The following OVCH1 variants were observed in gnomAD, a reference collection of about 807,000 sequenced individuals.
OVCH1 encodes the protein ovochymase 1, also known as ovochymase-1.
A neutral mutation model predicts 138.4 loss-of-function variants in OVCH1; 139 were observed. That is an observed-to-expected ratio of 1.00 (90% confidence interval 0.87 to 1.16). The LOEUF (loss-of-function observed/expected upper bound fraction) is 1.16. Ranked by LOEUF, OVCH1 falls within the 50% of genes most tolerant of loss-of-function variation. The probability of loss-of-function intolerance (pLI) is 0.00; values close to 1 mark genes in which losing one functional copy is unlikely to be tolerated. For synonymous variants in OVCH1, 453 were observed against 467.8 expected, an observed-to-expected ratio of 0.97 and a Z score of 0.41; for missense variants, 1,367 against 1,357.9, an observed-to-expected ratio of 1.01 and a Z score of -0.11.
chr12:29,475,759 C>T (rs768855357), intron 13 of OVCH1, among the ~76,000 whole-genome samples: 13 of 152,160 alleles, frequency 8.5e-5, no homozygotes, highest in Non-Finnish European at 1.3e-4. Context: ...AATCTTCAAA[C>T]TCAGTAAATT....
At chr12:29,492,781 C>T (rs1256753169) in intron 4 of OVCH1, among the ~76,000 whole-genome samples, 1 of 152,002 alleles carries the variant, frequency 6.6e-6, no homozygotes, top group African/African-American at 2.4e-5. Context: ...AATAAGATGT[C>T]CAGGGCTGAG....
chr12:29,434,123 C>G (rs1033967038), intron 26 of OVCH1, among the ~76,000 whole-genome samples: 1 of 152,032 alleles, frequency 6.6e-6, no homozygotes, highest in African/African-American at 2.4e-5. Context: ...GCGTATCTTT[C>G]AAAAATCTGG....
At chr12:29,440,024 G>A (rs1455823315) in intron 25 of OVCH1, among the ~76,000 whole-genome samples, 1 of 152,056 alleles carries the variant, frequency 6.6e-6, no homozygotes, top group Non-Finnish European at 1.5e-5. Context: ...CTCCTTTTGG[G>A]GTTTTATGAG....
At chr12:29,414,747 T>C (rs951328200) in intron 3 of OVCH1, among the ~76,000 whole-genome samples, 1 of 152,090 alleles carries the variant, frequency 6.6e-6, no homozygotes, top group African/African-American at 2.4e-5. Flanking sequence ...AAAAAAAAAA[T>C]ATATATACAA....
chr12:29,435,687 A>C (rs1592036107), intron 26 of OVCH1, among the ~76,000 whole-genome samples: 1 of 152,132 alleles, frequency 6.6e-6, no homozygotes, highest in Non-Finnish European at 1.5e-5. Context: ...TGGTAATAGC[A>C]GTTTCCTTCA....
chr12:29,458,903 A>T (rs1016048724), intron 19 of OVCH1, among the ~76,000 whole-genome samples: 3 of 151,478 alleles, frequency 2.0e-5, no homozygotes, highest in African/African-American at 7.3e-5. Context: ...AACATCATTG[A>T]TCAGAGAAAT....
chr12:29,442,773 A>G (rs1941521325), intron 25 of OVCH1, among the ~76,000 whole-genome samples: 1 of 151,988 alleles, frequency 6.6e-6, no homozygotes. Flanking sequence ...AAGTAATGTC[A>G]GCTAAAGTAT....
At chr12:29,434,716 CA>C (rs34624096) in intron 26 of OVCH1, among the ~76,000 whole-genome samples, 32,819 of 151,192 alleles carry the variant, frequency 0.22, 4,687 homozygotes, top group African/African-American at 0.41. Flanking sequence ...TCCCCAACAA[CA>C]AAAAAAAACC....
chr12:29,404,442 G>T, the OVCH1 span, among the ~76,000 whole-genome samples: 1 of 152,148 alleles, frequency 6.6e-6, no homozygotes, highest in South Asian at 2.1e-4. Flanking sequence ...TCTTTATCTC[G>T]CTGATTTCTG....
exon 14 of OVCH1, chr12:29,475,134 C>T (rs573263903): frequency 1.3e-5 from 20 of 1,561,632 alleles, no homozygotes; most frequent in African/African-American, 2.7e-5. Flanking sequence ...AGTATATCAC[C>T]GTCATGTTAC....
chr12:29,445,241 T>C (rs1328641799), intron 23 of OVCH1, 37 bp downstream of exon 23: 3 of 1,557,754 alleles, frequency 1.9e-6, no homozygotes, highest in Non-Finnish European at 2.6e-6. Context: ...TATTGATTTC[T>C]TTAGCCTTTA....
chr12:29,421,835 A>G (rs1270047057), intron 3 of OVCH1, among the ~76,000 whole-genome samples: 2 of 152,172 alleles, frequency 1.3e-5, no homozygotes, highest in South Asian at 2.1e-4. Context: ...GCTTATTTAT[A>G]TAATTATTTA....
At chr12:29,472,939 A>T in intron 15 of OVCH1, 90 bp downstream of exon 15, 1 of 1,109,302 alleles carries the variant, frequency 9.0e-7, no homozygotes, top group Non-Finnish European at 1.3e-6. Context: ...GTGGAGTTAT[A>T]GCCAATGTAA....
chr12:29,443,713 C>A (rs980996482), intron 24 of OVCH1, among the ~76,000 whole-genome samples: 1 of 151,966 alleles, frequency 6.6e-6, no homozygotes, highest in Non-Finnish European at 1.5e-5. Flanking sequence ...TTATAAAGTT[C>A]ATACATTATG....
At chr12:29,436,083 T>G (rs1462763643) in intron 26 of OVCH1, among the ~76,000 whole-genome samples, 2 of 152,106 alleles carry the variant, frequency 1.3e-5, no homozygotes, top group African/African-American at 4.8e-5. Context: ...AGGTGTTTTA[T>G]TTTAAAAATT....
chr12:29,405,045 AAAAAAAAAAAAC>A, the OVCH1 span, among the ~76,000 whole-genome samples: 2 of 150,138 alleles, frequency 1.3e-5, no homozygotes, highest in Non-Finnish European at 3.0e-5. Context: ...AAAAAAAAAA[AAAAAAAAAAAAC>A]AAAAGAAATG....
chr12:29,427,834 A>T (rs1218615985), intron 27 of OVCH1, among the ~76,000 whole-genome samples: 1 of 152,196 alleles, frequency 6.6e-6, no homozygotes, highest in East Asian at 1.9e-4. Flanking sequence ...GCGAGCTCAC[A>T]AATAAATGCA....
At chr12:29,483,462 T>C (rs1293632978) in intron 8 of OVCH1, among the ~76,000 whole-genome samples, 1 of 152,216 alleles carries the variant, frequency 6.6e-6, no homozygotes, top group African/African-American at 2.4e-5. Context: ...AATATTTATA[T>C]TCATTTTACA....
At chr12:29,476,065 A>AT (rs1428111611) in intron 13 of OVCH1, 141 bp downstream of exon 13, 1 of 695,228 alleles carries the variant, frequency 1.4e-6, no homozygotes, top group African/African-American at 1.8e-5. Context: ...TTTTAAAGCT[A>AT]AAGTTGTATG....
Sources: gnomAD v4.1 joint callset for allele counts (sites outside exome capture counted in the v4.1 genomes callset) on GRCh38, gnomAD v4.1.1 for gene constraint, MANE v1.5 for transcripts, NCBI Gene and HGNC (gene_info 2026-07-23, HGNC 2026-07-21) for gene names.